The following SULF1 variants were observed in gnomAD, a reference collection of about 807,000 sequenced individuals.
SULF1 encodes extracellular sulfatase Sulf-1.
In SULF1, 46 loss-of-function variants were observed where a neutral mutation model predicts 110.5. The observed-to-expected ratio is 0.42, with a 90% CI of 0.33 to 0.53. SULF1 has a LOEUF of 0.53. SULF1 is among the 20% of genes least tolerant of loss of function. The pLI is 0.12. For synonymous variants in SULF1, 371 were observed against 387.1 expected (o/e 0.96, Z 0.49); for missense variants, 941 against 1,094.2 (o/e 0.86, Z 1.98).
intron 2 of SULF1, among the ~76,000 whole-genome samples, chr8:69,497,096 G>A (rs770851504): frequency 2.6e-5 from 4 of 151,122 alleles, no homozygotes; most frequent in Non-Finnish European, 5.9e-5. Context: ...AGGAAAAGCA[G>A]TTTGGAACCA....
At chr8:69,526,920 G>A (rs534972210) in intron 3 of SULF1, among the ~76,000 whole-genome samples, 6 of 152,208 alleles carry the variant, frequency 3.9e-5, no homozygotes, top group East Asian at 1.9e-4. Context: ...AGTTTCACTC[G>A]GGTTACAGGA....
At chr8:69,514,273 G>A (rs926261694) in intron 3 of SULF1, among the ~76,000 whole-genome samples, 2 of 152,178 alleles carry the variant, frequency 1.3e-5, no homozygotes, top group Non-Finnish European at 1.5e-5. Flanking sequence ...GAAGGGCTCA[G>A]GAAACTTACA....
chr8:69,559,878 G>GT (rs950075399), intron 3 of SULF1, among the ~76,000 whole-genome samples: 4 of 151,822 alleles, frequency 2.6e-5, no homozygotes, highest in Non-Finnish European at 5.9e-5. Context: ...GTGAAGCTGG[G>GT]TTTTTTTTGT....
At chr8:69,509,768 C>T (rs1206093937) in intron 3 of SULF1, among the ~76,000 whole-genome samples, 2 of 152,192 alleles carry the variant, frequency 1.3e-5, no homozygotes, top group Non-Finnish European at 2.9e-5. Flanking sequence ...TTTCTACCCC[C>T]AAGCACTGAC....
intron 3 of SULF1, among the ~76,000 whole-genome samples, chr8:69,502,680 C>CTTTTTTTTTCTTTTTTT (rs1810892277): frequency 8.6e-6 from 1 of 116,460 alleles, no homozygotes; most frequent in Non-Finnish European, 1.8e-5. Context: ...TTTTCTTTTT[C>CTTTTTTTTTCTTTTTTT]TTTTTTTTTC....
rs1029653577 is a variant in SULF1 at position 69,539,176 on chromosome 8, G to A, written c.-133-24363G>A. Among the ~76,000 whole-genome samples the A allele has an allele frequency of 7.2e-5, 11 of 152,244 alleles. No homozygotes were observed. The South Asian group carries it at 8.3e-4, about 11-fold the overall frequency. On this transcript the variant is annotated intron_variant, in intron 3 of 22. Transcript: ENST00000402687. ...AGGCTGAGGGGGCTGCCTCTGAGTG[G>A]AAATACCTTAGCCATTGTTCTTGGA...
chr8:69,524,390 G>C (rs531172961), intron 3 of SULF1, among the ~76,000 whole-genome samples: 1 of 152,230 alleles, frequency 6.6e-6, no homozygotes, highest in African/African-American at 2.4e-5. Context: ...AGCAAAGAGG[G>C]AGCAAGCAGT....
chr8:69,540,113 G>A (rs975148268), intron 3 of SULF1, among the ~76,000 whole-genome samples: 4 of 152,172 alleles, frequency 2.6e-5, no homozygotes, highest in African/African-American at 9.7e-5. Flanking sequence ...GATAAAATCA[G>A]CAGGATAGGG....
chr8:69,583,850 T>C (rs892330154), intron 6 of SULF1, among the ~76,000 whole-genome samples: 1 of 152,086 alleles, frequency 6.6e-6, no homozygotes, highest in African/African-American at 2.4e-5. Flanking sequence ...ACAAAGACAG[T>C]GTTGTGGAAT....
At chr8:69,629,439 C>G in intron 18 of SULF1, 65 bp from the exon 19 acceptor site, 1 of 1,500,112 alleles carries the variant, frequency 6.7e-7, no homozygotes, top group Non-Finnish European at 9.0e-7. Context: ...CTCACAGCAA[C>G]AAGCCTATTT....
chr8:69,620,833 G>A (rs1308310185), intron 13 of SULF1, among the ~76,000 whole-genome samples: 2 of 152,176 alleles, frequency 1.3e-5, no homozygotes, highest in East Asian at 1.9e-4. Context: ...GTTGTCATCT[G>A]TATTTGCCTA....
At chr8:69,650,520 G>A (rs940927645) in intron 22 of SULF1, among the ~76,000 whole-genome samples, 1 of 152,130 alleles carries the variant, frequency 6.6e-6, no homozygotes, top group African/African-American at 2.4e-5. Context: ...CCCAGCACCT[G>A]TTGTCCCAGT....
intron 5 of SULF1, among the ~76,000 whole-genome samples, chr8:69,564,712 A>G (rs1271013171): frequency 6.6e-6 from 1 of 152,224 alleles, no homozygotes; most frequent in Non-Finnish European, 1.5e-5. Flanking sequence ...AGCGTAGAGC[A>G]CCCAGAAAGC....
At chr8:69,592,243 G>A (rs912645870) in intron 8 of SULF1, among the ~76,000 whole-genome samples, 2 of 152,158 alleles carry the variant, frequency 1.3e-5, no homozygotes, top group African/African-American at 4.8e-5. Flanking sequence ...AGAAACTGGA[G>A]AATGGGCTAC....
intron 8 of SULF1, among the ~76,000 whole-genome samples, chr8:69,591,818 G>T (rs1806931499): frequency 6.6e-6 from 1 of 152,168 alleles, no homozygotes; most frequent in Non-Finnish European, 1.5e-5. Context: ...TTGACACACA[G>T]CCATGCTCAT....
chr8:69,548,703 C>T (rs910576329), intron 3 of SULF1, among the ~76,000 whole-genome samples: 4 of 150,768 alleles, frequency 2.7e-5, no homozygotes, highest in Admixed American at 6.6e-5. Context: ...TCAAGTTATC[C>T]ACCCACCTTG....
intron 8 of SULF1, among the ~76,000 whole-genome samples, chr8:69,596,171 T>A (rs1358753705): frequency 1.3e-5 from 2 of 152,190 alleles, no homozygotes; most frequent in East Asian, 3.9e-4. Context: ...AACTTTTATA[T>A]ATGGGAATAG....
intron 3 of SULF1, among the ~76,000 whole-genome samples, chr8:69,553,622 A>G (rs553649912): frequency 1.3e-5 from 2 of 152,342 alleles, no homozygotes; most frequent in East Asian, 3.9e-4. Context: ...TCACAACTTT[A>G]TAAAGCATTT....
chr8:69,523,711 T>C (rs1812476358), intron 3 of SULF1, among the ~76,000 whole-genome samples: 1 of 152,020 alleles, frequency 6.6e-6, no homozygotes, highest in African/African-American at 2.4e-5. Context: ...AGGAGGGGAA[T>C]TAAGACATCA....
Sources: gnomAD v4.1 joint callset for allele counts (sites outside exome capture counted in the v4.1 genomes callset) on GRCh38, gnomAD v4.1.1 for gene constraint, MANE v1.5 for transcripts, NCBI Gene and HGNC (gene_info 2026-07-23, HGNC 2026-07-21) for gene names.